Variants in N4BP1 observed in about 807,000 individuals in gnomAD.
N4BP1 encodes NEDD4 binding protein 1.
In N4BP1, 21 loss-of-function variants were observed where a neutral mutation model predicts 70.9. That is an observed-to-expected ratio of 0.30 (90% CI 0.21 to 0.43). The LOEUF is 0.43. N4BP1 is among the 20% of genes least tolerant of loss of function. The pLI is 1.00. For missense variants in N4BP1, 936 were observed against 1,069.4 expected (o/e 0.88, Z 1.74); for synonymous variants, 387 against 394.6 (o/e 0.98, Z 0.23).
intron 1 of N4BP1, among the ~76,000 whole-genome samples, chr16:48,599,142 T>TA (rs1964461644): frequency 6.6e-6 from 1 of 152,134 alleles, no homozygotes; most frequent in Non-Finnish European, 1.5e-5. Flanking sequence ...CGTATACTGG[T>TA]ATAATAACTA....
At chr16:48,577,832 G>C (rs1964118171) in intron 1 of N4BP1, 1 of 157,296 alleles carries the variant, frequency 6.4e-6, no homozygotes, top group African/African-American at 2.4e-5. Context: ...AGGCGCACAA[G>C]CACAGAGCTG....
At chr16:48,595,376 G>C (rs868556212) in intron 1 of N4BP1, among the ~76,000 whole-genome samples, 1 of 138,506 alleles carries the variant, frequency 7.2e-6, no homozygotes, top group African/African-American at 2.7e-5. Flanking sequence ...AGAATTGCTT[G>C]AACCCAGGGG....
rs1022711997 is a variant in N4BP1, at chr16:48,610,165, G to A, written c.-193C>T. The A allele has an allele frequency of 3.0e-5, 5 of 167,746 alleles. No homozygotes were observed. Among genetic ancestry groups the A allele is most frequent in the African/African-American group, 9.6e-5 (4 of 41,636 alleles). The allele number at this position is 167,746 out of a possible 1,614,324, so 10.4% of individuals were successfully genotyped here. On this transcript the variant is annotated 5_prime_UTR_variant, in exon 1 of 7. Transcript: ENST00000262384. ...CGACCGCAGCAGCTTGGCAATTGCT[G>A]GCAGCGAACCCCTCCGCCCCTTTGC...
Position 48,560,987 on chromosome 16 carries a change from A to G in N4BP1, c.1656T>C (p.Pro552=). Residue 552 remains proline (P), a synonymous_variant, in exon 2 of 7, where the codon CCT becomes CCC. Transcript: ENST00000262384. ...GGGTTGAGCAATTTGGCTTAGAATGAGGAGAACTACAACATCCTAAACGTT... is the reference window on the plus strand; with the variant it reads ...GGGTTGAGCAATTTGGCTTAGAATGGGGAGAACTACAACATCCTAAACGTT... The part of the protein sequence containing the change: ...CEKRLGCCSS[P]HSKPNCSTLS... The G allele has an allele frequency of 6.2e-7, 1 of 1,613,952 alleles. No individual in the cohort carries two copies. Among genetic ancestry groups the G allele is most frequent in the Non-Finnish European group, 8.5e-7 (1 of 1,179,860 alleles).
chr16:48,577,646 CG>C (rs1964113941), intron 1 of N4BP1: 1 of 223,084 alleles, frequency 4.5e-6, no homozygotes, highest in Non-Finnish European at 9.3e-6. Flanking sequence ...TTCCAGAGGT[CG>C]GGGGTCAGGC....
At chr16:48,553,090 A>G (rs1160733407) in intron 3 of N4BP1, among the ~76,000 whole-genome samples, 2 of 152,212 alleles carry the variant, frequency 1.3e-5, no homozygotes, top group African/African-American at 4.8e-5. Flanking sequence ...AATAAGTTCA[A>G]ATCTTTCGTG....
intron 1 of N4BP1, chr16:48,600,236 C>T (rs528875288): frequency 1.2e-6 from 1 of 842,654 alleles, no homozygotes; most frequent in Admixed American, 1.8e-5. Context: ...TCCGCAACGA[C>T]TGAAAGGTGT....
At position 48,540,293 on chromosome 16, in the gene N4BP1, G is replaced by T. The variant is rs1245166701; in HGVS notation, c.*2611C>A. 6.6e-6 allele frequency: 1 copy of T among 152,310 alleles called. No homozygotes were observed. The highest frequency in any genetic ancestry group is 1.5e-5 in the Non-Finnish European group (1 of 68,122). 9.4% of individuals were successfully genotyped at this position (152,310 alleles called of 1,614,324 possible). A position where few individuals can be genotyped will look rare whatever the true frequency, so the allele number is the denominator to read the frequency against. On this transcript the variant is annotated 3_prime_UTR_variant, in exon 7 of 7. Coordinates refer to ENST00000262384, the MANE Select transcript of N4BP1 (RefSeq NM_153029.4). ...AGCTGGGGGAGGGCGGGGAGAAGAG[G>T]GGTTTCTGTGTGTAGATCTGAGTCC...
chr16:48,593,225 C>T (rs1348940365), intron 1 of N4BP1, among the ~76,000 whole-genome samples: 2 of 152,174 alleles, frequency 1.3e-5, no homozygotes, highest in Admixed American at 1.3e-4. Flanking sequence ...CTGTTCTAGG[C>T]TCCACACCTG....
chr16:48,552,843 T>C (rs78219674), intron 3 of N4BP1, among the ~76,000 whole-genome samples: 2,826 of 150,608 alleles, frequency 0.019, 41 homozygotes, highest in Non-Finnish European at 0.032. Flanking sequence ...ATGGGGGAAG[T>C]TGGGAATACT....
At chr16:48,589,034 A>G (rs1964292311) in intron 1 of N4BP1, among the ~76,000 whole-genome samples, 1 of 152,198 alleles carries the variant, frequency 6.6e-6, no homozygotes, top group African/African-American at 2.4e-5. Context: ...AATAACATCC[A>G]GAATCTGTGA....
intron 3 of N4BP1, among the ~76,000 whole-genome samples, chr16:48,552,699 GAAAAAAAAAAAAAAAAAAAAAAA>G (rs71134556): frequency 0.056 from 1,038 of 18,514 alleles, 21 homozygotes; most frequent in African/African-American, 0.13. Context: ...CTCCGTCTCA[GAAAAAAAAAAAAAAAAAAAAAAA>G]AAAAAAAAAA....
intron 1 of N4BP1, among the ~76,000 whole-genome samples, chr16:48,590,541 T>C (rs1964320941): frequency 6.6e-6 from 1 of 152,194 alleles, no homozygotes; most frequent in Non-Finnish European, 1.5e-5. Flanking sequence ...GCCTGTGGTT[T>C]GGTAGCACCC....
intron 1 of N4BP1, among the ~76,000 whole-genome samples, chr16:48,572,431 G>T (rs531922675): frequency 7.2e-5 from 11 of 152,004 alleles, no homozygotes; most frequent in Non-Finnish European, 1.5e-4. Context: ...GATGGGGGAG[G>T]GGGGACAGGC....
At chr16:48,555,731 AG>A (rs141675159) in intron 2 of N4BP1, among the ~76,000 whole-genome samples, 3,172 of 152,342 alleles carry the variant, frequency 0.021, 112 homozygotes, top group African/African-American at 0.07. Context: ...ATTGCTTAAC[AG>A]CAGGGACATG....
chr16:48,543,717 T>C (rs1396700013), intron 6 of N4BP1, among the ~76,000 whole-genome samples: 1 of 152,092 alleles, frequency 6.6e-6, no homozygotes, highest in Admixed American at 6.5e-5. Flanking sequence ...TGTGGGTGGG[T>C]GCCCACACTT....
At position 48,581,598 on chromosome 16, in the gene N4BP1, G is replaced by C. The variant is rs541216017; in HGVS notation, c.199-19154C>G. Among the ~76,000 whole-genome samples, 7 of 152,286 alleles carry C rather than the reference G, an allele frequency of 4.6e-5. No homozygotes were observed. The South Asian group carries it at 1.5e-3, about 32-fold the overall frequency. On this transcript the variant is annotated intron_variant, in intron 1 of 6. Transcript: ENST00000262384. The stretch of plus-strand genomic sequence containing the variant: ...AATCAGTAGTGTTTCTAAACTAACA[G>C]TGAACTACTTAGGAATAAATTTAAC...
chr16:48,543,038 C>G lies in N4BP1; in HGVS notation c.2557G>C (p.Glu853Gln), dbSNP rs375076343. The change falls in exon 7 of 7, where the codon GAA (glutamate) becomes CAA (glutamine). Residue 853 changes from glutamate (E) to glutamine (Q), a missense_variant. Physicochemically the swap from Glu to Gln is conservative, Grantham distance 29 (BLOSUM62 2). Around this residue, in one of 4 missense-constraint regions of N4BP1, gnomAD observed 229 missense variants for 343.5 expected, o/e 0.67. Coordinates refer to ENST00000262384, the MANE Select transcript of N4BP1 (RefSeq NM_153029.4). Reference sequence around the variant, plus strand: ...AGGGCTTCCCTCAGCTCGTTGGTTTCTGCAGAAGATCTCTGAGCTGGCATG... The same window carrying G: ...AGGGCTTCCCTCAGCTCGTTGGTTTGTGCAGAAGATCTCTGAGCTGGCATG... ...LPMPAQRSSA[E>Q]TNELREALLK... 1.2e-6 allele frequency: 2 copies of G among 1,614,076 alleles called. No individual in the cohort carries two copies. The highest frequency in any genetic ancestry group is 4.5e-5 in the East Asian group (2 of 44,886).
intron 2 of N4BP1, chr16:48,560,445 T>A (rs905560707): frequency 8.8e-6 from 2 of 228,164 alleles, no homozygotes; most frequent in Non-Finnish European, 1.7e-5. Context: ...ACTCACAATA[T>A]TAAGAATTTA....
Sources: allele counts gnomAD v4.1 joint callset (sites outside exome capture counted in the v4.1 genomes callset), GRCh38; gene constraint gnomAD v4.1.1; regional missense constraint gnomAD v4.1.1; transcripts MANE v1.5; gene names NCBI Gene and HGNC (gene_info 2026-07-23, HGNC 2026-07-21).